SPON1: variants seen among roughly 807,000 people sequenced by gnomAD.
SPON1 encodes the protein spondin-1.
SPON1 carries 52 observed loss-of-function variants against 111.7 expected under a neutral mutation model. The observed-to-expected ratio is 0.47, with a 90% CI of 0.37 to 0.59. The LOEUF (loss-of-function observed/expected upper bound fraction) is 0.59. SPON1 is among the 20% of genes least tolerant of loss of function. SPON1 has a pLI of 0.00. For synonymous variants in SPON1, 410 were observed against 395.8 expected (o/e 1.04, Z -0.43); for missense variants, 957 against 1,068.5 (o/e 0.90, Z 1.46).
intron 3 of SPON1, among the ~76,000 whole-genome samples, chr11:14,071,501 G>T (rs557123823): frequency 2.0e-5 from 3 of 151,978 alleles, no homozygotes; most frequent in Admixed American, 2.0e-4. Context: ...TATGTCTAAC[G>T]ACCCACTAGA....
At chr11:14,071,124 T>G (rs1554920849) in intron 3 of SPON1, among the ~76,000 whole-genome samples, 2 of 152,174 alleles carry the variant, frequency 1.3e-5, no homozygotes, top group Non-Finnish European at 2.9e-5. Context: ...CTTTCTCATC[T>G]TGTAAAGCTA....
intron 7 of SPON1, among the ~76,000 whole-genome samples, chr11:14,246,848 T>A (rs962296572): frequency 6.6e-6 from 1 of 152,160 alleles, no homozygotes; most frequent in South Asian, 2.1e-4. Context: ...GGGTTAGAGA[T>A]AGCTTCCCCC....
At position 14,002,346 on chromosome 11, in the gene SPON1, G is replaced by A. The variant is rs138727929; in HGVS notation, c.345+19393G>A. Among the ~76,000 whole-genome samples the A allele has an allele frequency of 3.2e-3, 486 of 152,110 alleles. 4 individuals are homozygous for A. The highest frequency in any genetic ancestry group is 0.02 in the Middle Eastern group (6 of 294). The stretch of plus-strand genomic sequence containing the variant: ...TAAGGGGGTGAGGAACTGGGGCTGC[G>A]GACCCTGCATCTTTTATAAGCATCT... On this transcript the variant is annotated intron_variant, in intron 2 of 15. Coordinates refer to ENST00000576479, the MANE Select transcript of SPON1 (RefSeq NM_006108.4).
chr11:14,170,783 T>G (rs1402296692), intron 6 of SPON1, among the ~76,000 whole-genome samples: 1 of 152,228 alleles, frequency 6.6e-6, no homozygotes, highest in Non-Finnish European at 1.5e-5. Flanking sequence ...TCTGTTTATA[T>G]GCCAGATTAC....
At chr11:14,000,445 A>G (rs954091383) in intron 2 of SPON1, among the ~76,000 whole-genome samples, 1 of 152,176 alleles carries the variant, frequency 6.6e-6, no homozygotes, top group Non-Finnish European at 1.5e-5. Context: ...CCCTACTGCA[A>G]TGTGAACTCC....
chr11:14,160,203 A>T (rs1847893857), intron 6 of SPON1, among the ~76,000 whole-genome samples: 1 of 149,830 alleles, frequency 6.7e-6, no homozygotes, highest in South Asian at 2.1e-4. Context: ...TTAAAAAGAA[A>T]AGAACTATAG....
intron 2 of SPON1, among the ~76,000 whole-genome samples, chr11:14,027,549 A>G (rs1250807232): frequency 1.3e-5 from 2 of 152,190 alleles, no homozygotes; most frequent in Non-Finnish European, 2.9e-5. Context: ...CAGCAAACTG[A>G]GTTTTTGCTC....
chr11:14,103,905 GTA>G (rs1413055985), intron 5 of SPON1, among the ~76,000 whole-genome samples: 1 of 151,918 alleles, frequency 6.6e-6, no homozygotes, highest in East Asian at 1.9e-4. Flanking sequence ...TTCTAAAATT[GTA>G]TACTTATTAA....
At chr11:14,148,166 AG>A (rs1310627996) in intron 6 of SPON1, among the ~76,000 whole-genome samples, 5 of 152,258 alleles carry the variant, frequency 3.3e-5, no homozygotes, top group Non-Finnish European at 7.3e-5. Context: ...ATCCATGAAT[AG>A]GGGACCAGTT....
chr11:14,230,065 C>G (rs1013770124), intron 6 of SPON1, among the ~76,000 whole-genome samples: 1 of 152,014 alleles, frequency 6.6e-6, no homozygotes, highest in African/African-American at 2.4e-5. Context: ...CCAAGTCTCT[C>G]CCCAAACCTC....
At chr11:14,053,597 A>G (rs1372066796) in intron 3 of SPON1, among the ~76,000 whole-genome samples, 4 of 152,248 alleles carry the variant, frequency 2.6e-5, no homozygotes, top group Non-Finnish European at 5.9e-5. Context: ...TTTGGGCAAC[A>G]GTGAAAAAGT....
At chr11:13,983,724 A>G (rs1848161699) in intron 2 of SPON1, among the ~76,000 whole-genome samples, 1 of 152,198 alleles carries the variant, frequency 6.6e-6, no homozygotes, top group African/African-American at 2.4e-5. Context: ...TGATCCTAGG[A>G]GGAGGCCTGG....
intron 2 of SPON1, among the ~76,000 whole-genome samples, chr11:14,028,336 A>G (rs1848534019): frequency 1.3e-5 from 2 of 151,982 alleles, no homozygotes; most frequent in East Asian, 1.9e-4. Context: ...AATAAAAAAT[A>G]TTACCTCGGC....
At chr11:14,204,179 G>A (rs781884529) in intron 6 of SPON1, among the ~76,000 whole-genome samples, 14 of 152,294 alleles carry the variant, frequency 9.2e-5, no homozygotes, top group Non-Finnish European at 1.5e-4. Context: ...CCATGGGCTC[G>A]GGCCAAGGCT....
rs1371097919 is a variant in SPON1 at position 14,020,575 on chromosome 11, A to G, written c.346-20946A>G. On this transcript the variant is annotated intron_variant, in intron 2 of 15. Coordinates refer to ENST00000576479, the MANE Select transcript of SPON1 (RefSeq NM_006108.4). ...AATTTCACTTCTAGGAATTAATTCA[A>G]CTGGCCAATTTAGACAAGTGGAGGC... Among the ~76,000 whole-genome samples the G allele has an allele frequency of 3.3e-5, 5 of 152,380 alleles. No homozygotes were observed. The East Asian group carries it at 9.6e-4, about 29-fold the overall frequency.
At chr11:14,236,240 G>T (rs1848865865) in intron 6 of SPON1, among the ~76,000 whole-genome samples, 1 of 152,182 alleles carries the variant, frequency 6.6e-6, no homozygotes, top group Non-Finnish European at 1.5e-5. Flanking sequence ...ATGGAGGCAG[G>T]CAGGAGACGG....
intron 6 of SPON1, among the ~76,000 whole-genome samples, chr11:14,136,494 C>T (rs1248129213): frequency 1.3e-5 from 2 of 152,188 alleles, no homozygotes; most frequent in African/African-American, 2.4e-5. Flanking sequence ...CACCAGGGAC[C>T]CCATCTCACA....
chr11:14,129,831 G>A (rs563392954), intron 5 of SPON1, among the ~76,000 whole-genome samples: 1 of 152,132 alleles, frequency 6.6e-6, no homozygotes, highest in Non-Finnish European at 1.5e-5. Flanking sequence ...TACAATCATG[G>A]CAGAAGGTGA....
In SPON1 at chr11:13,962,779, G is replaced by C; in HGVS notation, c.-126G>C. 1.1e-6 allele frequency: 1 copy of C among 878,384 alleles called. No individual in the cohort carries two copies. The highest frequency in any genetic ancestry group is 1.6e-6 in the Non-Finnish European group (1 of 618,520). The allele number at this position is 878,384 out of a possible 1,614,324, so 54.4% of individuals were successfully genotyped here. ...AGGCGGGCACGGTCTCCGAGTCGCGGACGCCAGCTCCGAGCTCCCTCTCTC... is the reference window on the plus strand; with the variant it reads ...AGGCGGGCACGGTCTCCGAGTCGCGCACGCCAGCTCCGAGCTCCCTCTCTC... On this transcript the variant is annotated 5_prime_UTR_variant, in exon 1 of 16. Transcript: ENST00000576479.
Sources: allele counts gnomAD v4.1 joint callset (sites outside exome capture counted in the v4.1 genomes callset), GRCh38; gene constraint gnomAD v4.1.1; transcripts MANE v1.5; gene names NCBI Gene and HGNC (gene_info 2026-07-23, HGNC 2026-07-21).